Variants in CTBP2 observed in about 807,000 individuals in gnomAD.
The protein encoded by CTBP2 is C-terminal binding protein 2.
CTBP2 carries 30 observed loss-of-function variants against 80.3 expected under a neutral mutation model. The observed-to-expected ratio is 0.37, with a 90% CI of 0.28 to 0.51. The LOEUF is 0.51. CTBP2 is among the 20% of genes least tolerant of loss of function. The probability of loss-of-function intolerance (pLI) is 0.93; values close to 1 mark genes in which losing one functional copy is unlikely to be tolerated. For synonymous variants in CTBP2, 594 were observed against 587.4 expected, an observed-to-expected ratio of 1.01 and a Z score of -0.16; for missense variants, 1,212 against 1,375.3, an observed-to-expected ratio of 0.88 and a Z score of 1.88.
intron 2 of CTBP2, among the ~76,000 whole-genome samples, chr10:125,041,463 C>CG (rs922610824): frequency 6.9e-6 from 1 of 145,036 alleles, no homozygotes. Flanking sequence ...GGAGTGGGGG[C>CG]GGGGGGCCAA....
chr10:125,122,728 G>A (rs948974353), intron 1 of CTBP2: 1 of 152,078 alleles, frequency 6.6e-6, no homozygotes, highest in Non-Finnish European at 1.5e-5. Flanking sequence ...CTCCCAATAC[G>A]ACCCCATGGA....
In CTBP2 at chr10:124,984,483, C is replaced by T. The variant is rs1177679824; in HGVS notation, c.*5035G>A. On this transcript the variant is annotated 3_prime_UTR_variant, in exon 9 of 9. Coordinates refer to ENST00000309035, the MANE Select transcript of CTBP2 (RefSeq NM_022802.3). The stretch of plus-strand genomic sequence containing the variant: ...TCATGTGTTTGAAGCTGTGGCTTGC[C>T]AGGATCAGTTTATTAGGACATTTGT... The T allele has an allele frequency of 6.0e-6, 2 of 331,392 alleles. No homozygotes were observed. Among genetic ancestry groups the T allele is most frequent in the Non-Finnish European group, 1.1e-5 (2 of 182,850 alleles). The allele number at this position is 331,392 out of a possible 1,614,324, so 20.5% of individuals were successfully genotyped here. A position where few individuals can be genotyped will look rare whatever the true frequency, so the allele number is the denominator to read the frequency against.
intron 1 of CTBP2, among the ~76,000 whole-genome samples, chr10:125,130,041 CT>C (rs10700714): frequency 0.43 from 61,120 of 143,064 alleles, 13,650 homozygotes; most frequent in East Asian, 0.69. Context: ...GGATTTCTCT[CT>C]TTTTTTTTTT....
At chr10:125,060,405 C>T (rs1231008704) in intron 2 of CTBP2, among the ~76,000 whole-genome samples, 2 of 151,956 alleles carry the variant, frequency 1.3e-5, no homozygotes, top group Admixed American at 6.6e-5. Context: ...TAAAACATGG[C>T]TTTTAAACAG....
At position 125,152,241 on chromosome 10, in the gene CTBP2, G is replaced by C. The variant is rs1480855791; in HGVS notation, c.-206+8078C>G. Among the ~76,000 whole-genome samples, 4 of 152,186 alleles carry C rather than the reference G, an allele frequency of 2.6e-5. No homozygotes were observed. In the East Asian group the frequency reaches 7.7e-4, roughly 29 times the overall value. ...GGAGCCAGGAACCCCGGGACCCCGG[G>C]ACCCCAGAAGCCCGGACGCCAGGAG... On this transcript the variant is annotated intron_variant, in intron 1 of 10. Coordinates refer to the CTBP2 transcript ENST00000337195.
chr10:125,016,694 G>A (rs1273766417), intron 1 of CTBP2, among the ~76,000 whole-genome samples: 1 of 152,238 alleles, frequency 6.6e-6, no homozygotes, highest in Non-Finnish European at 1.5e-5. Context: ...AGAGCGCTGC[G>A]CCCAGGCCCA....
upstream of CTBP2, among the ~76,000 whole-genome samples, chr10:125,029,224 A>AT (rs1057199711): frequency 8.0e-4 from 115 of 143,764 alleles, no homozygotes; most frequent in African/African-American, 1.8e-3. Flanking sequence ...CAGTCTTTAA[A>AT]TTTTTTTTTT....
At chr10:125,061,752 C>A (rs548987304) in intron 2 of CTBP2, among the ~76,000 whole-genome samples, 4 of 152,188 alleles carry the variant, frequency 2.6e-5, no homozygotes, top group Non-Finnish European at 4.4e-5. Context: ...AGATGCACCT[C>A]GGTGAGGTGC....
chr10:125,151,107 C>T (rs1481696443), intron 1 of CTBP2, among the ~76,000 whole-genome samples: 2 of 152,142 alleles, frequency 1.3e-5, no homozygotes, highest in African/African-American at 2.4e-5. Flanking sequence ...AATGGTTGCT[C>T]TCTAGTTACT....
chr10:125,090,229 G>A (rs1448499428), intron 2 of CTBP2, among the ~76,000 whole-genome samples: 5 of 143,016 alleles, frequency 3.5e-5, no homozygotes, highest in African/African-American at 1.1e-4. Context: ...AAGAGGCTGC[G>A]GTGAGCCGAG....
Position 125,156,082 on chromosome 10 carries a change from C to T in CTBP2, c.-206+4237G>A, listed in dbSNP as rs74163355. Among the ~76,000 whole-genome samples, 622 of 152,330 alleles carry T rather than the reference C, an allele frequency of 4.1e-3. 9 individuals are homozygous for T. The highest frequency in any genetic ancestry group is 0.014 in the African/African-American group (588 of 41,560). On this transcript the variant is annotated intron_variant, in intron 1 of 10. Transcript: ENST00000337195. ...ACTTCTTTTTCCAGGGACAGACACA[C>T]TGCCCTCCCATTTTTTAGTTACTAC...
intron 1 of CTBP2, among the ~76,000 whole-genome samples, chr10:125,121,195 C>T (rs1854259841): frequency 6.6e-6 from 1 of 152,220 alleles, no homozygotes; most frequent in South Asian, 2.1e-4. Context: ...CCCCAGGAGC[C>T]CAGGTGTGGT....
chr10:125,046,334 C>G (rs1000372677), intron 2 of CTBP2, among the ~76,000 whole-genome samples: 1 of 151,860 alleles, frequency 6.6e-6, no homozygotes, highest in Non-Finnish European at 1.5e-5. Flanking sequence ...GTCAGAAGTT[C>G]GAGACCAGCC....
intron 8 of CTBP2, among the ~76,000 whole-genome samples, chr10:124,991,963 T>G (rs1048055707): frequency 6.6e-6 from 1 of 150,604 alleles, no homozygotes; most frequent in Non-Finnish European, 1.5e-5. Context: ...CTTCTCCCTG[T>G]GAGGGCTCCT....
At chr10:125,092,176 C>CTTTTTTTTTTT in intron 2 of CTBP2, among the ~76,000 whole-genome samples, 1 of 87,098 alleles carries the variant, frequency 1.1e-5, no homozygotes, top group Non-Finnish European at 2.2e-5. Context: ...TCTGAAGATT[C>CTTTTTTTTTTT]TTTTTTTTTT....
At chr10:125,155,195 G>C (rs1860694769) in intron 1 of CTBP2, among the ~76,000 whole-genome samples, 1 of 152,224 alleles carries the variant, frequency 6.6e-6, no homozygotes, top group East Asian at 1.9e-4. Context: ...CTCTGGAAAG[G>C]GGGCAGGCCA....
intron 2 of CTBP2, among the ~76,000 whole-genome samples, chr10:125,094,977 A>G (rs145185335): frequency 4.9e-4 from 74 of 152,200 alleles, no homozygotes; most frequent in African/African-American, 1.6e-3. Flanking sequence ...CAGCCTCTGA[A>G]GAAGCGCGGA....
intron 1 of CTBP2, among the ~76,000 whole-genome samples, chr10:125,127,794 C>CA (rs1274745041): frequency 2.6e-5 from 4 of 152,170 alleles, no homozygotes; most frequent in African/African-American, 9.7e-5. Context: ...TCCCTAAACT[C>CA]AGAGAGAGCT....
chr10:125,077,737 GTGATGCCCACCCCAGC>G (rs1466795287), intron 2 of CTBP2, among the ~76,000 whole-genome samples: 1 of 152,174 alleles, frequency 6.6e-6, no homozygotes, highest in Non-Finnish European at 1.5e-5. Context: ...GGGCACCGTG[GTGATGCCCACCCCAGC>G]TGATGCCCAC....
Sources: allele counts gnomAD v4.1 joint callset (sites outside exome capture counted in the v4.1 genomes callset), GRCh38; gene constraint gnomAD v4.1.1; transcripts MANE v1.5; gene names NCBI Gene and HGNC (gene_info 2026-07-23, HGNC 2026-07-21).